Variants in BTRC observed in about 807,000 individuals in gnomAD.
The protein encoded by BTRC is beta-transducin repeat containing E3 ubiquitin protein ligase.
BTRC carries 42 observed loss-of-function variants against 85.5 expected under a neutral mutation model. That is an observed-to-expected ratio of 0.49 (90% confidence interval 0.38 to 0.64). The LOEUF (loss-of-function observed/expected upper bound fraction) is 0.64, where lower values mean the gene tolerates loss of function less well. Among genes scored for constraint, BTRC ranks in the 30% least tolerant of loss-of-function variants. BTRC has a pLI of 0.00. For missense variants in BTRC, 594 were observed against 743.5 expected (o/e 0.80, Z 2.34); for synonymous variants, 255 against 263.3 (o/e 0.97, Z 0.30).
intron 4 of BTRC, among the ~76,000 whole-genome samples, chr10:101,488,674 T>A (rs1946052121): frequency 6.6e-6 from 1 of 152,184 alleles, no homozygotes; most frequent in Non-Finnish European, 1.5e-5. Context: ...AGTGGCTTAC[T>A]GTAAAAGCAA....
At chr10:101,356,291 G>A (rs1010210244) in intron 1 of BTRC, among the ~76,000 whole-genome samples, 12 of 152,128 alleles carry the variant, frequency 7.9e-5, no homozygotes, top group African/African-American at 2.9e-4. Context: ...GAGCCACAGC[G>A]CCCAGCAGAG....
At chr10:101,363,682 G>A (rs1942280898) in intron 1 of BTRC, among the ~76,000 whole-genome samples, 8 of 152,040 alleles carry the variant, frequency 5.3e-5, no homozygotes, top group Admixed American at 5.2e-4. Flanking sequence ...TGCCTGGCCG[G>A]GAAGTTCGTT....
chr10:101,433,976 C>T (rs1944464254), intron 2 of BTRC, among the ~76,000 whole-genome samples: 1 of 151,932 alleles, frequency 6.6e-6, no homozygotes, highest in South Asian at 2.1e-4. Flanking sequence ...ATTAAATATT[C>T]TTTAATTCAC....
chr10:101,491,767 A>G (rs893616617), intron 4 of BTRC, among the ~76,000 whole-genome samples: 3 of 152,102 alleles, frequency 2.0e-5, no homozygotes, highest in Admixed American at 6.5e-5. Flanking sequence ...TTATATTTTG[A>G]TTCATGCTTC....
intron 5 of BTRC, among the ~76,000 whole-genome samples, chr10:101,522,664 A>G (rs1290171328): frequency 2.0e-5 from 3 of 150,658 alleles, no homozygotes; most frequent in Non-Finnish European, 4.4e-5. Context: ...CAAATGATTC[A>G]CCCGCCTTGG....
intron 9 of BTRC, among the ~76,000 whole-genome samples, chr10:101,534,110 G>T (rs1257136290): frequency 3.9e-5 from 6 of 152,172 alleles, no homozygotes; most frequent in Non-Finnish European, 7.4e-5. Context: ...ACTCTGCTGT[G>T]AAGCCCATAT....
intron 1 of BTRC, among the ~76,000 whole-genome samples, chr10:101,395,154 C>G (rs1943332773): frequency 6.6e-6 from 1 of 152,132 alleles, no homozygotes; most frequent in Admixed American, 6.5e-5. Flanking sequence ...TGAGGCCTCA[C>G]ACAGAGGGAT....
intron 3 of BTRC, among the ~76,000 whole-genome samples, chr10:101,477,511 G>T (rs1006576708): frequency 6.6e-6 from 1 of 151,618 alleles, no homozygotes; most frequent in Non-Finnish European, 1.5e-5. Flanking sequence ...ACAGGGCCTC[G>T]CTGTGCTGCC....
chr10:101,527,358 C>CAG (rs10657344), intron 6 of BTRC, among the ~76,000 whole-genome samples: 146,078 of 152,204 alleles, frequency 0.96, 70,367 homozygotes, highest in East Asian at 1. Flanking sequence ...CCAAATGCCT[C>CAG]AGATTTTTAT....
At chr10:101,413,994 A>G in intron 1 of BTRC, among the ~76,000 whole-genome samples, 1 of 152,192 alleles carries the variant, frequency 6.6e-6, no homozygotes. Flanking sequence ...ATACCATAAA[A>G]TTGACCATCT....
chr10:101,424,274 C>A lies in BTRC; in HGVS notation c.49-6071C>A, dbSNP rs369883261. ...AATCCTTGTTTTAGTTTTACCACAACCTTGTGCAATAAGGCTGGGCAGATA... is the reference window on the plus strand; with the variant it reads ...AATCCTTGTTTTAGTTTTACCACAAACTTGTGCAATAAGGCTGGGCAGATA... On this transcript the variant is annotated intron_variant, in intron 1 of 14. Coordinates refer to ENST00000370187, the MANE Select transcript of BTRC (RefSeq NM_033637.4). 4.6e-5 allele frequency among the ~76,000 whole-genome samples: 7 copies of A among 152,220 alleles called. No individual in the cohort carries two copies. The South Asian group carries it at 1.5e-3, about 32-fold the overall frequency.
intron 1 of BTRC, among the ~76,000 whole-genome samples, chr10:101,396,611 G>A (rs1311012743): frequency 2.6e-5 from 4 of 151,904 alleles, no homozygotes; most frequent in Non-Finnish European, 4.4e-5. Context: ...ACTTAGGACA[G>A]GTATTAATGG....
intron 4 of BTRC, among the ~76,000 whole-genome samples, chr10:101,518,612 C>T (rs571356891): frequency 3.9e-5 from 6 of 152,232 alleles, no homozygotes; most frequent in South Asian, 2.1e-4. Context: ...TTACCACCAC[C>T]GGAATGACCA....
intron 4 of BTRC, among the ~76,000 whole-genome samples, chr10:101,484,383 A>T (rs1945927094): frequency 6.6e-6 from 1 of 152,260 alleles, no homozygotes; most frequent in Non-Finnish European, 1.5e-5. Context: ...CTTTTCTCAT[A>T]ACTGATTGAT....
intron 1 of BTRC, among the ~76,000 whole-genome samples, chr10:101,376,776 A>AGGT (rs574451588): frequency 5.8e-4 from 88 of 152,172 alleles, no homozygotes; most frequent in African/African-American, 1.8e-3. Context: ...TCATAGGGTA[A>AGGT]GGTGGTGGTG....
At chr10:101,543,603 T>C (rs1252213399) in intron 13 of BTRC, among the ~76,000 whole-genome samples, 1 of 147,864 alleles carries the variant, frequency 6.8e-6, no homozygotes, top group East Asian at 2.1e-4. Flanking sequence ...TGTTACCTCC[T>C]GTTTTCATGC....
At chr10:101,372,074 G>A (rs1462215673) in intron 1 of BTRC, among the ~76,000 whole-genome samples, 1 of 151,624 alleles carries the variant, frequency 6.6e-6, no homozygotes, top group Non-Finnish European at 1.5e-5. Flanking sequence ...ATGTATGTAG[G>A]CCTGCTTTTG....
chr10:101,528,763 A>G (rs1376387756), intron 6 of BTRC, among the ~76,000 whole-genome samples: 2 of 152,186 alleles, frequency 1.3e-5, no homozygotes, highest in Admixed American at 6.5e-5. Flanking sequence ...TACCAAGCCT[A>G]ATACGTCAAT....
chr10:101,419,407 T>C (rs1944037494), intron 1 of BTRC, among the ~76,000 whole-genome samples: 1 of 152,124 alleles, frequency 6.6e-6, no homozygotes. Context: ...CAAGGTGGTG[T>C]CTAGGGCTGA....
Sources: allele counts gnomAD v4.1 joint callset (sites outside exome capture counted in the v4.1 genomes callset), GRCh38; gene constraint gnomAD v4.1.1; transcripts MANE v1.5; gene names NCBI Gene and HGNC (gene_info 2026-07-23, HGNC 2026-07-21).